Variants in ESPL1 observed in about 807,000 individuals in gnomAD.
ESPL1 encodes the protein separin.
In ESPL1, 50 loss-of-function variants were observed where a neutral mutation model predicts 217.2. The observed-to-expected ratio is 0.23, with a 90% CI of 0.18 to 0.29. The LOEUF is 0.29. ESPL1 is among the 10% of genes least tolerant of loss of function. The pLI, the probability that ESPL1 is intolerant of heterozygous loss-of-function variation, is 1.00. For synonymous variants in ESPL1, 994 were observed against 1,081.3 expected (o/e 0.92, Z 1.58); for missense variants, 1,834 against 2,603.0 (o/e 0.70, Z 6.43).
intron 20 of ESPL1, 143 bp from the exon 21 acceptor site, chr12:53,288,947 C>A: frequency 1.3e-6 from 1 of 742,288 alleles, no homozygotes; most frequent in Non-Finnish European, 2.3e-6. Context: ...TGCATGGCAC[C>A]CCACTTGGCA....
chr12:53,291,651 T>C (rs1163170528), intron 25 of ESPL1, 39 bp from the exon 26 acceptor site: 1 of 1,585,522 alleles, frequency 6.3e-7, no homozygotes, highest in Non-Finnish European at 8.6e-7. Context: ...GCAGCTATCA[T>C]GAATGAAGAT....
Position 53,292,788 on chromosome 12 carries a change from C to A in ESPL1, c.5997-18C>A, listed in dbSNP as rs756798110. ...GGTATTACTAGCTCAAGACTCATCT[C>A]ACCTCCTTCTGCCTTAGCTATGCAG... On this transcript the variant is annotated intron_variant, in intron 29 of 30. Coordinates refer to ENST00000257934, the MANE Select transcript of ESPL1 (RefSeq NM_012291.5). This position sits in a 1 kb window ranked among gnomAD's most constrained non-coding sequence, Gnocchi z 4.5. 43 of 1,607,144 alleles carry A rather than the reference C, an allele frequency of 2.7e-5. No homozygotes were observed. The Admixed American group carries it at 7.2e-4, about 27-fold the overall frequency.
chr12:53,279,891 G>A (rs1565757059), intron 12 of ESPL1, 25 bp downstream of exon 12: 12 of 1,531,444 alleles, frequency 7.8e-6, no homozygotes, highest in Non-Finnish European at 9.6e-6. Flanking sequence ...AGCCTAGTCT[G>A]GGGACTGCAG....
At chr12:53,270,331 C>T in intron 3 of ESPL1, 47 bp from the exon 4 acceptor site, 2 of 1,354,032 alleles carry the variant, frequency 1.5e-6, no homozygotes, top group Non-Finnish European at 2.1e-6. Context: ...AGCTTGGAGC[C>T]CTCTTTATCT....
chr12:53,281,164 G>C (rs1350903304), intron 12 of ESPL1, among the ~76,000 whole-genome samples: 1 of 118,062 alleles, frequency 8.5e-6, no homozygotes, highest in Non-Finnish European at 1.6e-5. Context: ...TTGAGACGGA[G>C]TCTCACTCTG....
Position 53,282,317 on chromosome 12 carries a change from G to A in ESPL1, c.2673G>A (p.Gln891=). The A allele has an allele frequency of 6.2e-7, 1 of 1,614,142 alleles. No homozygotes were observed. The highest frequency in any genetic ancestry group is 8.5e-7 in the Non-Finnish European group (1 of 1,180,028). ...LLSVLRDPAL[Q]KSSKAWYLLR... ...CTGTGCTTCGGGATCCTGCCCTCCA[G>A]AAGTCCTCCAAGGCTTGGTACTTGC... Residue 891 remains glutamine, a synonymous_variant, in exon 14 of 31, where the codon CAG becomes CAA. Transcript: ENST00000257934. This position sits in a 1 kb window ranked among gnomAD's most constrained non-coding sequence, Gnocchi z 4.0.
intron 17 of ESPL1, 51 bp from the exon 18 acceptor site, chr12:53,285,873 C>T (rs910479718): frequency 4.7e-6 from 7 of 1,491,780 alleles, no homozygotes; most frequent in Admixed American, 2.3e-5. Flanking sequence ...TCAGGAAGTG[C>T]TTGATGCCAT....
chr12:53,293,351 G>C lies in ESPL1; in HGVS notation c.6240G>C (p.Trp2080Cys). 6.2e-7 allele frequency: 1 copy of C among 1,614,082 alleles called. No homozygotes were observed. The highest frequency in any genetic ancestry group is 8.5e-7 in the Non-Finnish European group (1 of 1,179,934). Residue 2080 changes from tryptophan (W) to cysteine (C), a missense_variant, in exon 31 of 31, where the codon TGG becomes TGC. This residue lies in a region of ESPL1 where 295 missense variants were observed against 519.8 expected (regional missense o/e 0.57). Coordinates refer to ENST00000257934, the MANE Select transcript of ESPL1 (RefSeq NM_012291.5). The surrounding 1 kb of genome is among the most constrained non-coding windows in gnomAD (Gnocchi z 4.2). Reference sequence around the variant, plus strand: ...ACACGGAAGCTCTGCTGCAAGGCTGGCTTGGAGCAGGCCCAGGGGCCCCCC... The same window carrying C: ...ACACGGAAGCTCTGCTGCAAGGCTGCCTTGGAGCAGGCCCAGGGGCCCCCC... ...DRYTEALLQG[W>C]LGAGPGAPLL...
chr12:53,285,708 C>CA (rs376343410), intron 17 of ESPL1, among the ~76,000 whole-genome samples: 124 of 123,784 alleles, frequency 1.0e-3, no homozygotes, highest in Middle Eastern at 4.8e-3. Context: ...GACTCCATCT[C>CA]AAAAAAAAAA....
At chr12:53,276,104 A>G (rs983769630) in intron 7 of ESPL1, among the ~76,000 whole-genome samples, 2 of 152,124 alleles carry the variant, frequency 1.3e-5, no homozygotes, top group Admixed American at 6.6e-5. Flanking sequence ...CTTGGTTAGG[A>G]GGCTGAAGTG....
intron 18 of ESPL1, 144 bp downstream of exon 18, chr12:53,287,056 C>A (rs1943960746): frequency 1.3e-6 from 1 of 777,298 alleles, no homozygotes; most frequent in Non-Finnish European, 2.0e-6. Context: ...TGCAGTACCC[C>A]AATATCTTGC....
chr12:53,268,996 C>G (rs752741826), intron 2 of ESPL1, 28 bp from the exon 3 acceptor site: 1 of 1,577,920 alleles, frequency 6.3e-7, no homozygotes, highest in South Asian at 1.1e-5. Flanking sequence ...CCTTTGCTAG[C>G]CCCATTCATA....
At chr12:53,268,463 C>T in intron 1 of ESPL1, 86 bp downstream of exon 1, 1 of 380,292 alleles carries the variant, frequency 2.6e-6, no homozygotes, top group Non-Finnish European at 4.8e-6. Context: ...GCGTGGGTGG[C>T]TCCTGGAGGG....
rs753509930 is a variant in ESPL1, at chr12:53,293,399, C to T, written c.6288C>T (p.Ala2096=). The change falls in exon 31 of 31, where the codon GCC becomes GCT. Residue 2096 remains alanine (A), a synonymous_variant. Transcript: ENST00000257934. The surrounding 1 kb of genome is among the most constrained non-coding windows in gnomAD (Gnocchi z 4.2). ...CCCTTCTCTACTATGTAAACCAGGC[C>T]CGCCAAGCTCCCCGACTCAAGTATC... ...GAPLLYYVNQ[A]RQAPRLKYLI... The T allele has an allele frequency of 6.2e-7, 1 of 1,614,128 alleles. No individual in the cohort carries two copies. Among genetic ancestry groups the T allele is most frequent in the Admixed American group, 1.7e-5 (1 of 60,028 alleles).
intron 13 of ESPL1, 63 bp downstream of exon 13, chr12:53,281,689 G>A: frequency 6.6e-7 from 1 of 1,509,442 alleles, no homozygotes; most frequent in Non-Finnish European, 9.1e-7. Context: ...GGATTTTCTT[G>A]ATATTTGCCT....
At position 53,292,739 on chromosome 12, in the gene ESPL1, C is replaced by T; in HGVS notation, c.5997-67C>T. The T allele has an allele frequency of 6.2e-7, 1 of 1,603,844 alleles. No homozygotes were observed. Among genetic ancestry groups the T allele is most frequent in the Non-Finnish European group, 8.5e-7 (1 of 1,174,504 alleles). ...ATGGGTTGCTTTGGGACTTGAGAGC[C>T]TCTGAAGACACAGGCAGAGGCCAGG... On this transcript the variant is annotated intron_variant, in intron 29 of 30. Coordinates refer to ENST00000257934, the MANE Select transcript of ESPL1 (RefSeq NM_012291.5). The surrounding 1 kb of genome is among the most constrained non-coding windows in gnomAD (Gnocchi z 4.5).
chr12:53,277,236 G>C lies in ESPL1; in HGVS notation c.2085+9G>C. ...AAGCCAAAATGCAGGAAGTGAGTGTGGCTGCTGTGGGGCTCACCAGAACTG... is the reference window on the plus strand; with the variant it reads ...AAGCCAAAATGCAGGAAGTGAGTGTCGCTGCTGTGGGGCTCACCAGAACTG... On this transcript the variant is annotated intron_variant, in intron 9 of 30. Transcript: ENST00000257934. 1 of 1,603,118 alleles carries C rather than the reference G, an allele frequency of 6.2e-7. No homozygotes were observed. The highest frequency in any genetic ancestry group is 1.3e-5 in the African/African-American group (1 of 74,866).
At chr12:53,288,497 G>C (rs1339815275) in intron 19 of ESPL1, 41 bp from the exon 20 acceptor site, 4 of 1,579,186 alleles carry the variant, frequency 2.5e-6, no homozygotes, top group Middle Eastern at 3.4e-4. Flanking sequence ...GAGAATGGCA[G>C]GGGGAGGGAG....
At chr12:53,291,599 G>C in intron 25 of ESPL1, 91 bp from the exon 26 acceptor site, 1 of 1,379,528 alleles carries the variant, frequency 7.2e-7, no homozygotes, top group Non-Finnish European at 9.9e-7. Flanking sequence ...AAAAAAAAAA[G>C]AAAACAGGGA....
Sources: gnomAD v4.1 joint callset for allele counts (sites outside exome capture counted in the v4.1 genomes callset) on GRCh38, gnomAD v4.1.1 for gene constraint, gnomAD v4.1.1 regional missense constraint, Gnocchi (gnomAD v3.1) non-coding constraint, MANE v1.5 for transcripts, NCBI Gene and HGNC (gene_info 2026-07-23, HGNC 2026-07-21) for gene names.